PVT1: variants seen among roughly 807,000 people sequenced by gnomAD.
PVT1 encodes the protein Pvt1 oncogene.
At chr8:128,044,011 A>ATTTTTTT (rs66807418) in intron 4 of PVT1, among the ~76,000 whole-genome samples, 26 of 97,936 alleles carry the variant, frequency 2.7e-4, no homozygotes, top group African/African-American at 4.4e-4. Context: ...ATTATTATTT[A>ATTTTTTT]TTTATTTTTT....
intron 3 of PVT1, among the ~76,000 whole-genome samples, chr8:127,967,100 T>C (rs897042461): frequency 6.6e-6 from 1 of 152,162 alleles, no homozygotes; most frequent in Admixed American, 6.5e-5. Context: ...AATGAGTGTT[T>C]GTTTCTGGAG....
intron 2 of PVT1, among the ~76,000 whole-genome samples, chr8:127,814,950 T>C (rs1265588104): frequency 1.3e-5 from 2 of 152,184 alleles, no homozygotes; most frequent in African/African-American, 4.8e-5. Context: ...TCATTACACT[T>C]GGTGTAAACT....
At chr8:127,848,598 G>A (rs918365390) in intron 2 of PVT1, among the ~76,000 whole-genome samples, 10 of 151,818 alleles carry the variant, frequency 6.6e-5, no homozygotes, top group East Asian at 1.9e-4. Flanking sequence ...CAGGAGAATC[G>A]CTTGAACCCG....
chr8:128,061,372 A>G (rs986466366), intron 4 of PVT1, among the ~76,000 whole-genome samples: 2 of 152,236 alleles, frequency 1.3e-5, no homozygotes, highest in Non-Finnish European at 2.9e-5. Flanking sequence ...GTGTGAATAT[A>G]TGCCCCATTT....
At chr8:128,030,546 C>T (rs1261515953) in intron 4 of PVT1, among the ~76,000 whole-genome samples, 1 of 152,120 alleles carries the variant, frequency 6.6e-6, no homozygotes, top group Non-Finnish European at 1.5e-5. Context: ...CATAAGTTCC[C>T]CAAAATTATG....
At chr8:127,997,068 T>TG (rs1817115334) in intron 4 of PVT1, among the ~76,000 whole-genome samples, 1 of 146,508 alleles carries the variant, frequency 6.8e-6, no homozygotes, top group Non-Finnish European at 1.5e-5. Context: ...TTTGTTTGTT[T>TG]TTTGATACAG....
intron 4 of PVT1, among the ~76,000 whole-genome samples, chr8:128,011,471 C>T (rs955261042): frequency 3.3e-5 from 5 of 152,142 alleles, no homozygotes; most frequent in Admixed American, 6.5e-5. Flanking sequence ...CTCTCTGCTA[C>T]GTGAGGACAC....
chr8:128,060,348 C>T (rs1410152563), intron 4 of PVT1, among the ~76,000 whole-genome samples: 2 of 152,210 alleles, frequency 1.3e-5, no homozygotes, highest in Non-Finnish European at 2.9e-5. Context: ...CTCCTAGGAT[C>T]ACCTGCTAAA....
chr8:127,880,591 C>T (rs948261550), intron 2 of PVT1, among the ~76,000 whole-genome samples: 1 of 144,872 alleles, frequency 6.9e-6, no homozygotes. Context: ...CCATCGCCCC[C>T]GGCCCTTTTT....
At position 127,856,359 on chromosome 8, in the gene PVT1, CT is replaced by C. The variant is rs547075892; in HGVS notation, n.373-34218del. Reference sequence around the variant, plus strand: ...TGTACATACGTATATATTTTTTTTTCTTTTTTTTTTTTGAGACGGAGTCTTG... The same window carrying C: ...TGTACATACGTATATATTTTTTTTTCTTTTTTTTTTTGAGACGGAGTCTTG... On this transcript the variant is annotated intron_variant and non_coding_transcript_variant, in intron 2 of 10. Transcript: ENST00000651587. Among the ~76,000 whole-genome samples, 225 of 144,144 alleles carry C rather than the reference CT, an allele frequency of 1.6e-3. 1 individual carries two copies. Among genetic ancestry groups the C allele is most frequent in the Middle Eastern group, 3.6e-3 (1 of 278 alleles). The allele number at this position is 144,144 out of a possible 152,430, so 94.6% of individuals were successfully genotyped here. A position where few individuals can be genotyped will look rare whatever the true frequency, so the allele number is the denominator to read the frequency against.
intron 2 of PVT1, among the ~76,000 whole-genome samples, chr8:127,886,300 T>TA (rs1245614932): frequency 1.3e-5 from 2 of 152,250 alleles, no homozygotes; most frequent in East Asian, 1.9e-4. Flanking sequence ...AGGTGTGATT[T>TA]AAAAAAATAT....
chr8:127,973,338 C>T (rs541066621), intron 3 of PVT1, among the ~76,000 whole-genome samples: 22 of 152,254 alleles, frequency 1.4e-4, no homozygotes, highest in South Asian at 2.1e-4. Context: ...TAGTGAGCCG[C>T]GACTACTGCC....
chr8:127,979,204 G>T (rs61038264), intron 3 of PVT1, among the ~76,000 whole-genome samples: 1 of 152,224 alleles, frequency 6.6e-6, no homozygotes, highest in Non-Finnish European at 1.5e-5. Flanking sequence ...TTTTATATTA[G>T]GTGCTAGGTG....
chr8:127,999,286 T>G (rs1488559739), intron 4 of PVT1: 1 of 152,124 alleles, frequency 6.6e-6, no homozygotes, highest in African/African-American at 2.4e-5. Flanking sequence ...GCATTTACAC[T>G]TTTCCCTGTA....
chr8:127,951,604 C>T (rs1246268627), intron 3 of PVT1, among the ~76,000 whole-genome samples: 1 of 152,188 alleles, frequency 6.6e-6, no homozygotes, highest in Non-Finnish European at 1.5e-5. Context: ...AAGCCTCCCC[C>T]GGTCATTACA....
intron 3 of PVT1, among the ~76,000 whole-genome samples, chr8:127,959,163 C>T (rs1021209807): frequency 1.7e-4 from 26 of 152,294 alleles, no homozygotes; most frequent in African/African-American, 6.3e-4. Flanking sequence ...TGCATTTTAC[C>T]AAGCGAACTG....
chr8:127,826,998 T>TTCTC (rs1452106289), intron 2 of PVT1, among the ~76,000 whole-genome samples: 1 of 133,274 alleles, frequency 7.5e-6, no homozygotes, highest in Non-Finnish European at 1.6e-5. Flanking sequence ...TTTTCTCTTT[T>TTCTC]TTTTTTTTTT....
At chr8:127,819,704 G>A (rs1814708715) in intron 2 of PVT1, among the ~76,000 whole-genome samples, 1 of 152,126 alleles carries the variant, frequency 6.6e-6, no homozygotes, top group Non-Finnish European at 1.5e-5. Context: ...GAGCAGTTGG[G>A]GATGCCTTGC....
At chr8:127,863,095 T>TTTA (rs1815246397) in intron 2 of PVT1, among the ~76,000 whole-genome samples, 1 of 127,320 alleles carries the variant, frequency 7.9e-6, no homozygotes, top group South Asian at 2.2e-4. Flanking sequence ...TATTTATTTA[T>TTTA]TTATTTATTT....
Sources: allele counts gnomAD v4.1 joint callset (sites outside exome capture counted in the v4.1 genomes callset), GRCh38; gene constraint gnomAD v4.1.1; transcripts MANE v1.5; gene names NCBI Gene and HGNC (gene_info 2026-07-23, HGNC 2026-07-21).